The following RASGRP3 variants were observed in gnomAD, a reference collection of about 807,000 sequenced individuals.
RASGRP3 encodes RAS guanyl releasing protein 3, also known as ras guanyl-releasing protein 3.
In RASGRP3, 54 loss-of-function variants were observed where a neutral mutation model predicts 82.7. That is an observed-to-expected ratio of 0.65 (90% CI 0.52 to 0.82). The LOEUF is 0.82. Ranked by LOEUF, RASGRP3 falls within the 40% of genes least tolerant of loss-of-function variation. The pLI, the probability that RASGRP3 is intolerant of heterozygous loss-of-function variation, is 0.00. For synonymous variants in RASGRP3, 309 were observed against 300.5 expected, an observed-to-expected ratio of 1.03 and a Z score of -0.29; for missense variants, 861 against 828.9, an observed-to-expected ratio of 1.04 and a Z score of -0.48.
intron 11 of RASGRP3, among the ~76,000 whole-genome samples, chr2:33,536,208 G>A (rs940926547): frequency 4.0e-5 from 6 of 151,440 alleles, no homozygotes; most frequent in African/African-American, 4.9e-5. Flanking sequence ...AGGCTGAGGC[G>A]GGAGGATCAC....
intron 13 of RASGRP3, among the ~76,000 whole-genome samples, chr2:33,548,568 T>G (rs879427660): frequency 2.0e-5 from 3 of 151,952 alleles, no homozygotes; most frequent in Admixed American, 2.0e-4. Context: ...ACTCTTCCTC[T>G]GAGAGAGGAC....
At chr2:33,560,019 C>CT (rs1279296597) in intron 17 of RASGRP3, among the ~76,000 whole-genome samples, 1 of 152,156 alleles carries the variant, frequency 6.6e-6, no homozygotes, top group East Asian at 1.9e-4. Context: ...TGCTGAAACA[C>CT]TTTTTTTGTT....
intron 2 of RASGRP3, among the ~76,000 whole-genome samples, chr2:33,462,892 C>T (rs1261133628): frequency 6.6e-6 from 1 of 152,128 alleles, no homozygotes; most frequent in Non-Finnish European, 1.5e-5. Flanking sequence ...GAAAATTCTC[C>T]TTATAGTATT....
intron 2 of RASGRP3, chr2:33,448,002 C>T (rs998475874): frequency 2.0e-5 from 3 of 152,154 alleles, no homozygotes; most frequent in Non-Finnish European, 4.4e-5. Context: ...ATTTTAAACA[C>T]ATAAAATCTG....
chr2:33,540,861 TA>T (rs70940208), intron 12 of RASGRP3, among the ~76,000 whole-genome samples: 42,759 of 139,104 alleles, frequency 0.31, 9,586 homozygotes, highest in Non-Finnish European at 0.37. Flanking sequence ...ATACTGGAAT[TA>T]AAAAAAAAAA....
At chr2:33,439,030 G>A (rs1665077473) in intron 1 of RASGRP3, among the ~76,000 whole-genome samples, 1 of 152,172 alleles carries the variant, frequency 6.6e-6, no homozygotes, top group African/African-American at 2.4e-5. Context: ...GCTGGGTGGG[G>A]TAGAGGGGTA....
At chr2:33,551,286 C>G (rs1675333414) in intron 14 of RASGRP3, among the ~76,000 whole-genome samples, 1 of 152,164 alleles carries the variant, frequency 6.6e-6, no homozygotes, top group Admixed American at 6.5e-5. Context: ...GCACTCCAGC[C>G]TGGGTGACAG....
chr2:33,512,194 G>A (rs554662414), intron 2 of RASGRP3, among the ~76,000 whole-genome samples: 3 of 152,300 alleles, frequency 2.0e-5, no homozygotes, highest in African/African-American at 7.2e-5. Flanking sequence ...CTGGCCCGTC[G>A]TGTGCCAGTT....
At chr2:33,524,086 C>A (rs1672288826) in intron 8 of RASGRP3, 34 bp downstream of exon 8, 1 of 1,599,294 alleles carries the variant, frequency 6.3e-7, no homozygotes. Context: ...TTCTTGAGTT[C>A]TAGATGTTCG....
intron 2 of RASGRP3, among the ~76,000 whole-genome samples, chr2:33,465,663 C>G (rs750400845): frequency 6.6e-6 from 1 of 152,166 alleles, no homozygotes; most frequent in East Asian, 1.9e-4. Context: ...AGATTTTCCA[C>G]GTAGTTGAAC....
At chr2:33,525,917 C>T (rs1672516239) in intron 9 of RASGRP3, among the ~76,000 whole-genome samples, 1 of 151,890 alleles carries the variant, frequency 6.6e-6, no homozygotes, top group African/African-American at 2.4e-5. Context: ...GACTCAGGTG[C>T]TCCGCCCGCC....
At position 33,543,463 on chromosome 2, in the gene RASGRP3, C is replaced by G. The variant is rs368413603; in HGVS notation, c.1279-49C>G. On this transcript the variant is annotated intron_variant, in intron 12 of 17. Coordinates refer to ENST00000403687, the MANE Select transcript of RASGRP3 (RefSeq NM_001139488.2). Reference sequence around the variant, plus strand: ...ATCGTTGCTTTTGCAATAACAAGTTCAGAGCCTGCCTTATAGTCATTCAAT... The same window carrying G: ...ATCGTTGCTTTTGCAATAACAAGTTGAGAGCCTGCCTTATAGTCATTCAAT... The G allele has an allele frequency of 4.1e-6, 5 of 1,221,658 alleles. No homozygotes were observed. In the African/African-American group the frequency reaches 7.6e-5, roughly 19 times the overall value. The allele number at this position is 1,221,658 out of a possible 1,614,324, so 75.7% of individuals were successfully genotyped here.
chr2:33,540,582 G>T (rs1264999086), intron 12 of RASGRP3, among the ~76,000 whole-genome samples: 2 of 125,070 alleles, frequency 1.6e-5, no homozygotes, highest in African/African-American at 5.4e-5. Flanking sequence ...GTGTGTGTGT[G>T]TGTGTGTGTG....
At chr2:33,504,399 A>G (rs780851297) in intron 1 of RASGRP3, among the ~76,000 whole-genome samples, 1 of 152,104 alleles carries the variant, frequency 6.6e-6, no homozygotes, top group Non-Finnish European at 1.5e-5. Flanking sequence ...CCCGCATGGG[A>G]TTGTATGCTG....
At chr2:33,541,884 A>C (rs1230384565) in intron 12 of RASGRP3, among the ~76,000 whole-genome samples, 1 of 147,528 alleles carries the variant, frequency 6.8e-6, no homozygotes, top group Non-Finnish European at 1.5e-5. Flanking sequence ...ATTATGAAAC[A>C]TGAAAAATAT....
At chr2:33,448,339 T>G (rs890040256) in intron 2 of RASGRP3, among the ~76,000 whole-genome samples, 1 of 152,114 alleles carries the variant, frequency 6.6e-6, no homozygotes, top group Admixed American at 6.6e-5. Context: ...TAAAAAAAAC[T>G]CTCTGTGGTA....
intron 11 of RASGRP3, among the ~76,000 whole-genome samples, chr2:33,537,331 C>CCA (rs1558501731): frequency 7.2e-5 from 2 of 27,818 alleles, no homozygotes; most frequent in African/African-American, 3.8e-4. Context: ...CCGCCCCCCC[C>CCA]ACACACACAC....
intron 4 of RASGRP3, among the ~76,000 whole-genome samples, chr2:33,517,391 C>T (rs1671569722): frequency 6.6e-6 from 1 of 152,190 alleles, no homozygotes; most frequent in Admixed American, 6.5e-5. Flanking sequence ...CTGCCTTCTT[C>T]AAGCCCATGA....
intron 1 of RASGRP3, among the ~76,000 whole-genome samples, chr2:33,487,025 T>C (rs1431996501): frequency 6.6e-6 from 1 of 152,186 alleles, no homozygotes; most frequent in Non-Finnish European, 1.5e-5. Context: ...ACTTTAACAA[T>C]TTTCAATTCA....
Sources: gnomAD v4.1 joint callset for allele counts (sites outside exome capture counted in the v4.1 genomes callset) on GRCh38, gnomAD v4.1.1 for gene constraint, MANE v1.5 for transcripts, NCBI Gene and HGNC (gene_info 2026-07-23, HGNC 2026-07-21) for gene names.